Variants in SGSM1 observed in about 807,000 individuals in gnomAD.
SGSM1 encodes the protein RUN and TBC1 domain containing 2.
SGSM1 carries 73 observed loss-of-function variants against 133.8 expected under a neutral mutation model. That is an observed-to-expected ratio of 0.55 (90% CI 0.45 to 0.66). The LOEUF (loss-of-function observed/expected upper bound fraction) is 0.66. Ranked by LOEUF, SGSM1 falls within the 30% of genes least tolerant of loss-of-function variation. The pLI is 0.00. For missense variants in SGSM1, 1,213 were observed against 1,448.1 expected (o/e 0.84, Z 2.64); for synonymous variants, 563 against 573.0 (o/e 0.98, Z 0.25).
intron 13 of SGSM1, among the ~76,000 whole-genome samples, chr22:24,879,076 T>A (rs1031122752): frequency 2.6e-5 from 4 of 152,200 alleles, no homozygotes; most frequent in African/African-American, 9.6e-5. Flanking sequence ...CCCACTGGCT[T>A]AGAAACCCAT....
At chr22:24,901,987 G>C in intron 20 of SGSM1, 30 bp downstream of exon 20, 2 of 569,586 alleles carry the variant, frequency 3.5e-6, no homozygotes, top group Non-Finnish European at 5.9e-6. Flanking sequence ...GGATCTAGGG[G>C]ATGGGGATGG....
chr22:24,836,813 G>T (rs1281229103), intron 2 of SGSM1, among the ~76,000 whole-genome samples: 5 of 152,082 alleles, frequency 3.3e-5, no homozygotes, highest in African/African-American at 4.8e-5. Flanking sequence ...CATATATTCT[G>T]GACATTAACC....
chr22:24,820,752 G>A (rs5760685), intron 2 of SGSM1, among the ~76,000 whole-genome samples: 42,553 of 152,134 alleles, frequency 0.28, 6,662 homozygotes, highest in East Asian at 0.59. Context: ...AGCATTTGCT[G>A]AGCGCCTACT....
rs1784064277 is a variant in SGSM1, at chr22:24,858,330, C to A, written c.802-1386C>A. Among the ~76,000 whole-genome samples, 3 of 152,200 alleles carry A rather than the reference C, an allele frequency of 2.0e-5. No homozygotes were observed. In the South Asian group the frequency reaches 6.2e-4, roughly 32 times the overall value. On this transcript the variant is annotated intron_variant, in intron 8 of 24. Transcript: ENST00000400358. The stretch of plus-strand genomic sequence containing the variant: ...GTATTTGGTTGCTTTGCAAGAAAAT[C>A]TTGGCCAGGCACGGTGGCTCATGCC...
chr22:24,900,415 T>TCTTTCTTTCTTTCTTTCTTTCTTTC (rs1933112418), intron 19 of SGSM1, among the ~76,000 whole-genome samples: 1 of 125,874 alleles, frequency 7.9e-6, no homozygotes, highest in African/African-American at 3.9e-5. Context: ...TTCTGTATTT[T>TCTTTCTTTCTTTCTTTCTTTCTTTC]TGAGACAGAG....
At chr22:24,903,400 G>T (rs943616353) in intron 20 of SGSM1, among the ~76,000 whole-genome samples, 3 of 151,596 alleles carry the variant, frequency 2.0e-5, no homozygotes, top group African/African-American at 7.3e-5. Context: ...GTAGAGATGG[G>T]GTTTCACCAT....
chr22:24,854,304 C>T (rs1333237409), intron 5 of SGSM1, among the ~76,000 whole-genome samples: 9 of 152,040 alleles, frequency 5.9e-5, no homozygotes, highest in Non-Finnish European at 1.0e-4. Context: ...TTTGGTTGCC[C>T]CAGTAATAGA....
chr22:24,917,195 C>T (rs1260414110), intron 22 of SGSM1, among the ~76,000 whole-genome samples: 3 of 150,716 alleles, frequency 2.0e-5, no homozygotes, highest in African/African-American at 4.9e-5. Context: ...TGTTTTCATT[C>T]TTCTTGGGTA....
At position 24,893,535 on chromosome 22, in the gene SGSM1, G is replaced by T; in HGVS notation, c.1875G>T (p.Leu625=). 1.9e-6 allele frequency: 3 copies of T among 1,610,036 alleles called. No homozygotes were observed. The highest frequency in any genetic ancestry group is 2.5e-6 in the Non-Finnish European group (3 of 1,178,308). Residue 625 remains leucine (L), a synonymous_variant, in exon 17 of 25, where the codon CTG becomes CTT. Coordinates refer to ENST00000400358, the MANE Select transcript of SGSM1 (RefSeq NM_001098497.3). ...QRERESHAAA[L]AKCSSGASLD... is the part of the protein sequence containing the mutation. ...AGCGGGAGTCCCATGCGGCCGCCCT[G>T]GCCAAATGCTCATCCGGGGCCAGCT...
At chr22:24,912,848 T>C in intron 22 of SGSM1, 96 bp downstream of exon 22, 2 of 763,024 alleles carry the variant, frequency 2.6e-6, no homozygotes, top group East Asian at 2.8e-5. Context: ...CCCACCTGGA[T>C]TGGAATCCAG....
chr22:24,889,793 G>C (rs1403844640), intron 16 of SGSM1, among the ~76,000 whole-genome samples: 1 of 150,524 alleles, frequency 6.6e-6, no homozygotes, highest in Non-Finnish European at 1.5e-5. Flanking sequence ...GGGACTACAG[G>C]CGCCCGCCAC....
chr22:24,878,928 G>A lies in SGSM1; in HGVS notation c.1431-534G>A, dbSNP rs1932170633. Among the ~76,000 whole-genome samples, 6 of 152,314 alleles carry A rather than the reference G, an allele frequency of 3.9e-5. No homozygotes were observed. The South Asian group carries it at 1.2e-3, about 32-fold the overall frequency. On this transcript the variant is annotated intron_variant, in intron 13 of 24. Transcript: ENST00000400358. ...TTAGAGGCACAGTGGCTTCAGGCAT[G>A]GCTGGATACAGATGATCGAAATAGG...
chr22:24,883,277 T>C (rs767851828), intron 14 of SGSM1, among the ~76,000 whole-genome samples: 5 of 152,284 alleles, frequency 3.3e-5, no homozygotes, highest in Middle Eastern at 3.4e-3. Context: ...TCATGAATGG[T>C]GTTGCAGTAA....
rs760646097 is a variant in SGSM1, at chr22:24,924,390, C to T, written c.*116C>T. ...CGGGGTCCTGGTGTCTGTTCACAAG[C>T]GTGGAGTTCAGTGCGCAAAGAAACT... On this transcript the variant is annotated 3_prime_UTR_variant, in exon 25 of 25. Transcript: ENST00000400358. 5.9e-6 allele frequency: 5 copies of T among 847,056 alleles called. No homozygotes were observed. Among genetic ancestry groups the T allele is most frequent in the African/African-American group, 3.4e-5 (2 of 59,508 alleles). 52.5% of individuals were successfully genotyped at this position (847,056 alleles called of 1,614,324 possible).
At chr22:24,861,948 C>G (rs1439263162) in intron 9 of SGSM1, among the ~76,000 whole-genome samples, 1 of 144,364 alleles carries the variant, frequency 6.9e-6, no homozygotes, top group Non-Finnish European at 1.5e-5. Context: ...GAGTTTCTTT[C>G]TTTCTTTCTT....
At chr22:24,912,839 C>T (rs1354790381) in intron 22 of SGSM1, 87 bp downstream of exon 22, 3 of 836,756 alleles carry the variant, frequency 3.6e-6, no homozygotes, top group South Asian at 3.3e-5. Context: ...TATTTAGAGC[C>T]CACCTGGATT....
At chr22:24,825,464 CTG>C (rs1170607228) in intron 2 of SGSM1, among the ~76,000 whole-genome samples, 1 of 152,176 alleles carries the variant, frequency 6.6e-6, no homozygotes, top group Non-Finnish European at 1.5e-5. Flanking sequence ...GAGTCTCACT[CTG>C]TCACCCAGGC....
chr22:24,902,078 A>G, intron 20 of SGSM1, 121 bp downstream of exon 20: 1 of 1,038,302 alleles, frequency 9.6e-7, no homozygotes, highest in South Asian at 1.6e-5. Context: ...CTCACCTGGA[A>G]TCTTACTTAG....
In SGSM1 at chr22:24,897,628, A is replaced by G. The variant is rs543779869; in HGVS notation, c.2023-344A>G. Among the ~76,000 whole-genome samples the G allele has an allele frequency of 2.4e-3, 361 of 150,692 alleles. 3 individuals are homozygous for G. The highest frequency in any genetic ancestry group is 4.7e-3 in the Admixed American group (71 of 15,240). On this transcript the variant is annotated intron_variant, in intron 18 of 24. Transcript: ENST00000400358. ...GACCACATGTGTGTGCCACCATACC[A>G]GGCTAATTTTTTGTATTTTTTGCAG...
Sources: allele counts gnomAD v4.1 joint callset (sites outside exome capture counted in the v4.1 genomes callset), GRCh38; gene constraint gnomAD v4.1.1; transcripts MANE v1.5; gene names NCBI Gene and HGNC (gene_info 2026-07-23, HGNC 2026-07-21).